Variants in EML1 observed in about 807,000 individuals in gnomAD.
The protein encoded by EML1 is EMAP like 1, also known as echinoderm microtubule-associated protein-like 1.
EML1 carries 27 observed loss-of-function variants against 110.4 expected under a neutral mutation model. The observed-to-expected ratio is 0.24, with a 90% CI of 0.18 to 0.34. The LOEUF is 0.34. Among genes scored for constraint, EML1 ranks in the 10% least tolerant of loss-of-function variants. The pLI, the probability that EML1 is intolerant of heterozygous loss-of-function variation, is 1.00. For missense variants in EML1, 741 were observed against 1,030.9 expected (o/e 0.72, Z 3.85); for synonymous variants, 344 against 385.8 (o/e 0.89, Z 1.27).
chr14:99,770,396 T>TATCTATCTATCTATCTATC (rs756876109), upstream of EML1, among the ~76,000 whole-genome samples: 2 of 152,084 alleles, frequency 1.3e-5, no homozygotes, highest in Non-Finnish European at 2.9e-5. Context: ...TCTATCTATC[T>TATCTATCTATCTATCTATC]ATCTATCTAT....
At chr14:99,762,096 G>C (rs961808967) in intron 1 of EML1, among the ~76,000 whole-genome samples, 2 of 152,072 alleles carry the variant, frequency 1.3e-5, no homozygotes, top group African/African-American at 4.8e-5. Flanking sequence ...ACGTGGGCAC[G>C]GACAGGAAAG....
upstream of EML1, chr14:99,793,288 G>A (rs995980649): frequency 2.1e-6 from 2 of 973,656 alleles, no homozygotes; most frequent in Non-Finnish European, 2.4e-6. Context: ...CGGGCGGAGC[G>A]GGCGCTGGGC....
At chr14:99,750,885 G>C (rs958343157) in intron 1 of EML1, among the ~76,000 whole-genome samples, 17 of 152,078 alleles carry the variant, frequency 1.1e-4, no homozygotes, top group Non-Finnish European at 2.9e-5. Context: ...TGGCCTGGGG[G>C]AGAGGTCTCC....
At chr14:99,908,175 C>G (rs2059887489) in intron 10 of EML1, among the ~76,000 whole-genome samples, 1 of 152,232 alleles carries the variant, frequency 6.6e-6, no homozygotes, top group Non-Finnish European at 1.5e-5. Context: ...GGGGGCTCCT[C>G]CAAAGTGGCA....
chr14:99,765,058 C>T (rs966601112), intron 1 of EML1, among the ~76,000 whole-genome samples: 2 of 152,052 alleles, frequency 1.3e-5, no homozygotes, highest in Non-Finnish European at 2.9e-5. Flanking sequence ...CCACCTCAGC[C>T]TCCCGAGTAG....
At chr14:99,762,337 T>A (rs1022621180) in intron 1 of EML1, among the ~76,000 whole-genome samples, 8 of 149,242 alleles carry the variant, frequency 5.4e-5, no homozygotes, top group African/African-American at 2.4e-5. Context: ...TAAACCTATC[T>A]GTATAACCAG....
intron 1 of EML1, among the ~76,000 whole-genome samples, chr14:99,835,494 C>A (rs545264082): frequency 6.6e-6 from 1 of 151,798 alleles, no homozygotes; most frequent in East Asian, 1.9e-4. Context: ...TCGTTTTTTT[C>A]TGCATACTTT....
intron 1 of EML1, among the ~76,000 whole-genome samples, chr14:99,793,801 C>T (rs930766254): frequency 1.3e-5 from 2 of 149,034 alleles, no homozygotes; most frequent in Non-Finnish European, 3.0e-5. Flanking sequence ...CGGACCCCGC[C>T]GGCTCCAGCA....
chr14:99,893,811 A>G (rs1340611484), intron 5 of EML1, among the ~76,000 whole-genome samples: 1 of 152,246 alleles, frequency 6.6e-6, no homozygotes, highest in Admixed American at 6.5e-5. Context: ...AGAATTCACC[A>G]GGAGCGGAGC....
exon 1 of EML1, chr14:99,737,762 T>G (rs2056985950): frequency 2.3e-6 from 3 of 1,282,520 alleles, no homozygotes; most frequent in Admixed American, 4.6e-5. Context: ...CCCTGCTGGG[T>G]GGGTGACAGC....
intron 1 of EML1, among the ~76,000 whole-genome samples, chr14:99,830,129 A>G (rs942408529): frequency 1.3e-5 from 2 of 152,164 alleles, no homozygotes; most frequent in Non-Finnish European, 2.9e-5. Flanking sequence ...AGAGGGTTCT[A>G]ATTTCTTCGC....
chr14:99,830,622 C>T (rs2058434077), intron 1 of EML1, among the ~76,000 whole-genome samples: 1 of 152,070 alleles, frequency 6.6e-6, no homozygotes, highest in Non-Finnish European at 1.5e-5. Flanking sequence ...GCAATCTCGG[C>T]TCACTGCAAC....
At chr14:99,837,796 T>C (rs75502976) in intron 1 of EML1, among the ~76,000 whole-genome samples, 1,658 of 152,216 alleles carry the variant, frequency 0.011, 34 homozygotes, top group African/African-American at 0.038. Flanking sequence ...GCTTTTCTTT[T>C]TGTTTTGTTG....
At chr14:99,792,251 T>C (rs1218623267), upstream of EML1, among the ~76,000 whole-genome samples, 1 of 152,204 alleles carries the variant, frequency 6.6e-6, no homozygotes, top group African/African-American at 2.4e-5. Context: ...CAGTTCTTAT[T>C]TCACCTACTC....
intron 4 of EML1, among the ~76,000 whole-genome samples, chr14:99,890,173 T>C (rs2139982651): frequency 6.6e-6 from 1 of 152,336 alleles, no homozygotes; most frequent in South Asian, 2.1e-4. Flanking sequence ...CCTAGCAGCA[T>C]TTAAGGCACT....
At chr14:99,898,469 T>A (rs2059707229) in intron 8 of EML1, among the ~76,000 whole-genome samples, 167 bp downstream of exon 8, 1 of 152,098 alleles carries the variant, frequency 6.6e-6, no homozygotes, top group South Asian at 2.1e-4. Context: ...ACTTATTGTG[T>A]GGCAGGGTGC....
intron 1 of EML1, among the ~76,000 whole-genome samples, chr14:99,806,257 C>T (rs1388195767): frequency 1.3e-5 from 2 of 151,268 alleles, no homozygotes; most frequent in Non-Finnish European, 2.9e-5. Context: ...CACCCACGTG[C>T]ATTACAAGCA....
intron 4 of EML1, among the ~76,000 whole-genome samples, chr14:99,890,478 C>T (rs966449921): frequency 6.6e-6 from 1 of 152,184 alleles, no homozygotes; most frequent in African/African-American, 2.4e-5. Context: ...TCTCCTTCTG[C>T]CCCCAGGGTC....
intron 17 of EML1, among the ~76,000 whole-genome samples, chr14:99,931,827 C>G (rs1056295340): frequency 3.3e-5 from 5 of 152,166 alleles, no homozygotes; most frequent in Non-Finnish European, 7.3e-5. Flanking sequence ...GATTTGAACC[C>G]AGGTTTTTCT....
Sources: allele counts gnomAD v4.1 joint callset (sites outside exome capture counted in the v4.1 genomes callset), GRCh38; gene constraint gnomAD v4.1.1; transcripts MANE v1.5; gene names NCBI Gene and HGNC (gene_info 2026-07-23, HGNC 2026-07-21).